The following FGFR1 variants were observed in gnomAD, a reference collection of about 807,000 sequenced individuals.
The protein encoded by FGFR1 is FGFR1/PLAG1 fusion.
Under a neutral mutation model 93.7 loss-of-function variants are expected in FGFR1, and 18 were observed. The observed-to-expected ratio is 0.19, with a 90% CI of 0.13 to 0.28. The LOEUF (loss-of-function observed/expected upper bound fraction) is 0.28. Among genes scored for constraint, FGFR1 ranks in the 10% least tolerant of loss-of-function variants. FGFR1 has a pLI of 1.00. For synonymous variants in FGFR1, 448 were observed against 429.3 expected (o/e 1.04, Z -0.54); for missense variants, 731 against 1,080.4 (o/e 0.68, Z 4.53).
In FGFR1 at chr8:38,426,469, T is replaced by C. The variant is rs946286928; in HGVS notation, c.622-224A>G. ...GTAAAGACTCCAGAAGTCTCCACTGTGACGTTCAAGATCATTCGTGATCCG... is the reference window on the plus strand; with the variant it reads ...GTAAAGACTCCAGAAGTCTCCACTGCGACGTTCAAGATCATTCGTGATCCG... On this transcript the variant is annotated intron_variant, in intron 5 of 17. Transcript: ENST00000447712. This position sits in a 1 kb window ranked among gnomAD's most constrained non-coding sequence, Gnocchi z 4.1. 1.3e-5 allele frequency among the ~76,000 whole-genome samples: 2 copies of C among 152,204 alleles called. No homozygotes were observed. Among genetic ancestry groups the C allele is most frequent in the African/African-American group, 2.4e-5 (1 of 41,454 alleles).
chr8:38,442,841 T>C (rs1586583981), intron 2 of FGFR1, among the ~76,000 whole-genome samples: 1 of 152,160 alleles, frequency 6.6e-6, no homozygotes, highest in Admixed American at 6.5e-5. Context: ...CCGACATGGG[T>C]GCTTGAGCTC....
At chr8:38,443,597 C>G (rs541437896) in intron 2 of FGFR1, among the ~76,000 whole-genome samples, 1 of 151,926 alleles carries the variant, frequency 6.6e-6, no homozygotes, top group Non-Finnish European at 1.5e-5. Context: ...CTCTTGAGCC[C>G]GGGAGGTCGA....
chr8:38,452,200 G>GACACACACACACAC (rs3051753), intron 2 of FGFR1, among the ~76,000 whole-genome samples: 49 of 139,182 alleles, frequency 3.5e-4, no homozygotes, highest in Non-Finnish European at 4.3e-4. Context: ...CAGACACACA[G>GACACACACACACAC]ACACACACAC....
chr8:38,446,461 T>C (rs11784905), intron 2 of FGFR1, among the ~76,000 whole-genome samples: 2 of 151,478 alleles, frequency 1.3e-5, no homozygotes, highest in African/African-American at 4.9e-5. Flanking sequence ...TCAGCCCACC[T>C]TGGCCCCCAA....
chr8:38,421,468 G>A (rs908076552), intron 8 of FGFR1, among the ~76,000 whole-genome samples: 4 of 152,174 alleles, frequency 2.6e-5, no homozygotes, highest in Non-Finnish European at 4.4e-5. Context: ...GAGGGGGGAG[G>A]CTGCTGGACC....
chr8:38,466,908 C>A (rs12544187), intron 1 of FGFR1, among the ~76,000 whole-genome samples: 52,209 of 139,050 alleles, frequency 0.38, 10,322 homozygotes, highest in South Asian at 0.56. Context: ...CCCCCCCCAC[C>A]ACCACCAAAA....
intron 2 of FGFR1, among the ~76,000 whole-genome samples, chr8:38,454,451 C>T (rs1191345480): frequency 1.3e-5 from 2 of 152,200 alleles, no homozygotes; most frequent in South Asian, 2.1e-4. Context: ...CCCACTCTGA[C>T]TCACTCCCTT....
intron 1 of FGFR1, among the ~76,000 whole-genome samples, chr8:38,457,932 G>A (rs1028630450): frequency 1.3e-5 from 2 of 152,186 alleles, no homozygotes. Flanking sequence ...GCAGTGAGCT[G>A]AGATTGCACC....
chr8:38,423,998 TGA>T (rs1819782811), intron 7 of FGFR1: 1 of 221,300 alleles, frequency 4.5e-6, no homozygotes, highest in Admixed American at 5.2e-5. Flanking sequence ...TGTCTGGGAG[TGA>T]GAGGAAAAAG....
intron 1 of FGFR1, chr8:38,461,154 G>A (rs1834308124): frequency 6.5e-7 from 1 of 1,535,656 alleles, no homozygotes; most frequent in African/African-American, 1.4e-5. Flanking sequence ...GAAAGTGCCT[G>A]CTGTCTTCTC....
chr8:38,434,411 C>T (rs1439540930), intron 2 of FGFR1: 1 of 333,696 alleles, frequency 3.0e-6, no homozygotes, highest in African/African-American at 2.1e-5. Flanking sequence ...TGACTTCCAC[C>T]TCAATTCCTG....
chr8:38,455,987 G>A (rs1445983205), intron 2 of FGFR1, among the ~76,000 whole-genome samples: 1 of 152,122 alleles, frequency 6.6e-6, no homozygotes, highest in African/African-American at 2.4e-5. Flanking sequence ...CTTGCCTTCG[G>A]TTCTGTTACT....
intron 13 of FGFR1, 104 bp downstream of exon 13, chr8:38,415,766 G>A (rs746635302): frequency 5.8e-5 from 66 of 1,135,860 alleles, no homozygotes; most frequent in Non-Finnish European, 8.3e-5. Context: ...CCAGTGCTCA[G>A]TGCATCCACA....
chr8:38,426,367 C>A lies in FGFR1; in HGVS notation c.622-122G>T. 1 of 1,435,134 alleles carries A rather than the reference C, an allele frequency of 7.0e-7. No individual in the cohort carries two copies. The highest frequency in any genetic ancestry group is 9.7e-7 in the Non-Finnish European group (1 of 1,031,966). The allele number at this position is 1,435,134 out of a possible 1,614,324, so 88.9% of individuals were successfully genotyped here. On this transcript the variant is annotated intron_variant, in intron 5 of 17. Transcript: ENST00000447712. This position sits in a 1 kb window ranked among gnomAD's most constrained non-coding sequence, Gnocchi z 4.1. Reference sequence around the variant, plus strand: ...GAGCCTGGTGGCACAGGGCCCCAGGCTGCAGGGTTGGCTAGGACAAGGCGT... The same window carrying A: ...GAGCCTGGTGGCACAGGGCCCCAGGATGCAGGGTTGGCTAGGACAAGGCGT...
intron 2 of FGFR1, among the ~76,000 whole-genome samples, chr8:38,443,118 T>C (rs1828075788): frequency 1.3e-5 from 2 of 152,162 alleles, no homozygotes; most frequent in African/African-American, 4.8e-5. Flanking sequence ...GGAGTTAGCG[T>C]TGAACAGGTA....
intron 1 of FGFR1, 27 bp from the exon 2 acceptor site, chr8:38,457,561 G>C: frequency 6.4e-7 from 1 of 1,551,448 alleles, no homozygotes; most frequent in South Asian, 1.2e-5. Context: ...AACCCCAAAA[G>C]TTAGGAGGGT....
intron 2 of FGFR1, among the ~76,000 whole-genome samples, chr8:38,451,321 G>A (rs923209832): frequency 2.0e-5 from 3 of 150,154 alleles, no homozygotes; most frequent in African/African-American, 7.4e-5. Flanking sequence ...CAGTGTAGAT[G>A]CTAGACTACA....
intron 2 of FGFR1, among the ~76,000 whole-genome samples, chr8:38,450,093 GA>G (rs1181423951): frequency 6.6e-6 from 1 of 152,210 alleles, no homozygotes; most frequent in African/African-American, 2.4e-5. Flanking sequence ...CTCCTAGGAG[GA>G]AACAGTTTGG....
At chr8:38,452,204 C>CACAG (rs1302186375) in intron 2 of FGFR1, among the ~76,000 whole-genome samples, 39 of 3,970 alleles carry the variant, frequency 9.8e-3, no homozygotes, top group South Asian at 0.037. Flanking sequence ...CACACAGACA[C>CACAG]ACACACACAC....
Sources: allele counts gnomAD v4.1 joint callset (sites outside exome capture counted in the v4.1 genomes callset), GRCh38; gene constraint gnomAD v4.1.1; non-coding constraint Gnocchi (gnomAD v3.1); transcripts MANE v1.5; gene names NCBI Gene and HGNC (gene_info 2026-07-23, HGNC 2026-07-21).